Variants in LRBA observed in about 807,000 individuals in gnomAD.
LRBA encodes the protein lipopolysaccharide-responsive and beige-like anchor protein.
LRBA carries 176 observed loss-of-function variants against 330.0 expected under a neutral mutation model. The observed-to-expected ratio is 0.53, with a 90% confidence interval of 0.47 to 0.60. The LOEUF (loss-of-function observed/expected upper bound fraction) is 0.60. Among genes scored for constraint, LRBA ranks in the 20% least tolerant of loss-of-function variants. The pLI is 0.00. For missense variants in LRBA, 3,259 were observed against 3,444.8 expected (o/e 0.95, Z 1.35); for synonymous variants, 1,230 against 1,193.0 (o/e 1.03, Z -0.64).
chr4:150,683,455 C>G (rs995682004), intron 37 of LRBA, 96 bp downstream of exon 37: 3 of 943,256 alleles, frequency 3.2e-6, no homozygotes, highest in Non-Finnish European at 3.3e-6. Context: ...AAATTACTCT[C>G]TTCTTCATCT....
intron 47 of LRBA, among the ~76,000 whole-genome samples, chr4:150,350,554 C>A (rs1016094497): frequency 7.6e-6 from 1 of 132,038 alleles, no homozygotes; most frequent in African/African-American, 2.7e-5. Context: ...TGGAAAAGAG[C>A]GAAACTCCAT....
intron 40 of LRBA, among the ~76,000 whole-genome samples, chr4:150,550,411 C>G: frequency 6.6e-6 from 1 of 151,896 alleles, no homozygotes; most frequent in Non-Finnish European, 1.5e-5. Context: ...CAAAATACAG[C>G]AAGTATCTTA....
chr4:150,858,816 C>T (rs964225429), intron 22 of LRBA, among the ~76,000 whole-genome samples: 5 of 152,134 alleles, frequency 3.3e-5, no homozygotes, highest in Non-Finnish European at 5.9e-5. Flanking sequence ...GCCACCATGT[C>T]CAGCCAATTT....
intron 43 of LRBA, among the ~76,000 whole-genome samples, chr4:150,470,137 C>T (rs969920872): frequency 1.3e-5 from 2 of 152,126 alleles, no homozygotes; most frequent in African/African-American, 2.4e-5. Context: ...GAGCCGAGAT[C>T]GTGCCATTGC....
intron 38 of LRBA, among the ~76,000 whole-genome samples, chr4:150,591,270 A>G (rs1772795898): frequency 6.6e-6 from 1 of 152,206 alleles, no homozygotes; most frequent in Admixed American, 6.5e-5. Flanking sequence ...ACTGACAAAC[A>G]TTTTGGAATG....
chr4:150,655,763 A>G (rs1780121417), intron 37 of LRBA, among the ~76,000 whole-genome samples: 1 of 152,240 alleles, frequency 6.6e-6, no homozygotes, highest in South Asian at 2.1e-4. Flanking sequence ...AATGAAAAAT[A>G]ATTATCATTT....
intron 47 of LRBA, among the ~76,000 whole-genome samples, chr4:150,413,914 G>T (rs1021588047): frequency 8.6e-5 from 13 of 151,542 alleles, no homozygotes; most frequent in African/African-American, 2.9e-4. Flanking sequence ...GCATTTAAAG[G>T]TTTGACATTT....
At chr4:150,335,597 T>C (rs1734620201) in intron 48 of LRBA, among the ~76,000 whole-genome samples, 1 of 151,404 alleles carries the variant, frequency 6.6e-6, no homozygotes, top group African/African-American at 2.4e-5. Context: ...TCATGGCACA[T>C]ACTAAGCTAT....
chr4:150,735,409 C>G, intron 35 of LRBA, 43 bp from the exon 36 acceptor site: 1 of 1,239,858 alleles, frequency 8.1e-7, no homozygotes, highest in Non-Finnish European at 1.2e-6. Context: ...TGTATACACA[C>G]ACAACATAAA....
chr4:150,564,708 AAAAAGTGGGC>A (rs1283148955), intron 40 of LRBA, among the ~76,000 whole-genome samples: 1 of 152,168 alleles, frequency 6.6e-6, no homozygotes, highest in African/African-American at 2.4e-5. Context: ...CAACCCCATC[AAAAAGTGGGC>A]AAAGGATATG....
At chr4:150,624,416 T>C (rs1323381990) in intron 37 of LRBA, among the ~76,000 whole-genome samples, 1 of 152,004 alleles carries the variant, frequency 6.6e-6, no homozygotes, top group African/African-American at 2.4e-5. Context: ...ACAAACACTA[T>C]TCCCTTTTCA....
intron 40 of LRBA, chr4:150,581,413 C>T (rs1771312435): frequency 5.2e-6 from 2 of 386,622 alleles, no homozygotes; most frequent in East Asian, 7.8e-5. Flanking sequence ...AGGAGGATGA[C>T]TTTAAAGGAG....
At chr4:150,837,992 G>A (rs1748426465) in intron 28 of LRBA, among the ~76,000 whole-genome samples, 1 of 152,154 alleles carries the variant, frequency 6.6e-6, no homozygotes, top group Non-Finnish European at 1.5e-5. Context: ...GCCTGGTGGT[G>A]ACAAATCTCT....
At chr4:150,337,716 C>G (rs1013121819) in intron 48 of LRBA, among the ~76,000 whole-genome samples, 1 of 152,040 alleles carries the variant, frequency 6.6e-6, no homozygotes, top group African/African-American at 2.4e-5. Context: ...ATCTTAACTT[C>G]GGTATTCAAT....
intron 40 of LRBA, among the ~76,000 whole-genome samples, chr4:150,505,546 C>T (rs556666832): frequency 9.2e-5 from 14 of 152,212 alleles, no homozygotes; most frequent in South Asian, 8.3e-4. Context: ...AACAAAGACA[C>T]GACATACCAG....
chr4:150,662,958 TAAAAC>T (rs965889899), intron 37 of LRBA, among the ~76,000 whole-genome samples: 4 of 151,686 alleles, frequency 2.6e-5, no homozygotes, highest in Non-Finnish European at 4.4e-5. Flanking sequence ...CCCTATCTCT[TAAAAC>T]AAAACAAAAC....
intron 46 of LRBA, among the ~76,000 whole-genome samples, chr4:150,421,816 T>C (rs906008487): frequency 6.6e-5 from 10 of 152,150 alleles, no homozygotes; most frequent in Admixed American, 5.2e-4. Flanking sequence ...AGGAAGGACC[T>C]GGCAGGAGGC....
At position 150,852,150 on chromosome 4, in the gene LRBA, G is replaced by A; in HGVS notation, c.3560C>T (p.Ser1187Phe). The A allele has an allele frequency of 6.2e-7, 1 of 1,614,110 alleles. No homozygotes were observed. The highest frequency in any genetic ancestry group is 1.3e-5 in the African/African-American group (1 of 75,046). The change falls in exon 23 of 57, where the codon TCT (serine) becomes TTT (phenylalanine). Residue 1187 changes from serine (S) to phenylalanine (F), a missense_variant. Ser to Phe is a radical substitution (Grantham distance 155, BLOSUM62 -2). Transcript: ENST00000651943. Reference sequence around the variant, plus strand: ...AGTAGTTTCTGGTGACATAGCTGAAGACCCTGATGCTGTCATAGTCTGAAT... The same window carrying A: ...AGTAGTTTCTGGTGACATAGCTGAAAACCCTGATGCTGTCATAGTCTGAAT... ...SGIQTMTASG[S>F]SAMSPETTVS...
intron 35 of LRBA, among the ~76,000 whole-genome samples, chr4:150,755,242 T>C (rs764735822): frequency 6.6e-6 from 1 of 152,244 alleles, no homozygotes; most frequent in Non-Finnish European, 1.5e-5. Flanking sequence ...AGTGTATTAA[T>C]ACTCGAAGCA....
Sources: allele counts gnomAD v4.1 joint callset (sites outside exome capture counted in the v4.1 genomes callset), GRCh38; gene constraint gnomAD v4.1.1; transcripts MANE v1.5; gene names NCBI Gene and HGNC (gene_info 2026-07-23, HGNC 2026-07-21).